ZFHX3: variants seen among roughly 807,000 people sequenced by gnomAD.
ZFHX3 encodes the protein zinc finger homeobox 3, also known as zinc finger homeobox protein 3.
Under a neutral mutation model 279.1 loss-of-function variants are expected in ZFHX3, and 42 were observed. That is an observed-to-expected ratio of 0.15 (90% CI 0.12 to 0.19). ZFHX3 has a LOEUF of 0.19. Among genes scored for constraint, ZFHX3 ranks in the 10% least tolerant of loss-of-function variants. ZFHX3 has a pLI of 1.00. For synonymous variants in ZFHX3, 2,293 were observed against 1,957.8 expected (o/e 1.17, Z -4.52); for missense variants, 4,981 against 4,754.0 (o/e 1.05, Z -1.40).
At chr16:73,518,791 C>T (rs144858843) in intron 2 of ZFHX3, among the ~76,000 whole-genome samples, 2 of 152,306 alleles carry the variant, frequency 1.3e-5, no homozygotes, top group Non-Finnish European at 2.9e-5. Flanking sequence ...CTGAGTCCAA[C>T]AAAGTCTTCG....
At chr16:73,684,564 C>T (rs1047003271) in intron 1 of ZFHX3, among the ~76,000 whole-genome samples, 1 of 152,128 alleles carries the variant, frequency 6.6e-6, no homozygotes. Flanking sequence ...GCTCAAAACC[C>T]ACAAATATGT....
chr16:73,622,043 C>G (rs1303635928), intron 2 of ZFHX3, among the ~76,000 whole-genome samples: 1 of 152,192 alleles, frequency 6.6e-6, no homozygotes, highest in Non-Finnish European at 1.5e-5. Flanking sequence ...GTTTCTGTTT[C>G]AAGCTTTCCA....
intron 2 of ZFHX3, among the ~76,000 whole-genome samples, chr16:73,559,823 G>GTGGGAAAAT (rs1344468644): frequency 1.3e-5 from 2 of 152,170 alleles, no homozygotes; most frequent in African/African-American, 2.4e-5. Context: ...TTAAGCAGCA[G>GTGGGAAAAT]CATCTGGACC....
At chr16:73,091,197 T>G (rs1209222448) in intron 8 of ZFHX3, among the ~76,000 whole-genome samples, 1 of 130,180 alleles carries the variant, frequency 7.7e-6, no homozygotes, top group Non-Finnish European at 1.6e-5. Context: ...GGCGGCAGAG[T>G]GAGACTCCGT....
At chr16:73,635,387 T>A (rs1397116400) in intron 2 of ZFHX3, among the ~76,000 whole-genome samples, 2 of 152,178 alleles carry the variant, frequency 1.3e-5, no homozygotes, top group African/African-American at 4.8e-5. Context: ...GAGCTGCATG[T>A]TACTCAAGTT....
At chr16:73,096,838 T>A (rs1175036990) in intron 7 of ZFHX3, among the ~76,000 whole-genome samples, 1 of 152,040 alleles carries the variant, frequency 6.6e-6, no homozygotes, top group Admixed American at 6.6e-5. Context: ...CTTTAGAACC[T>A]CATTTCATGT....
intron 1 of ZFHX3, among the ~76,000 whole-genome samples, chr16:73,814,130 G>A (rs1361993991): frequency 1.3e-5 from 2 of 152,194 alleles, no homozygotes; most frequent in Non-Finnish European, 2.9e-5. Context: ...TAAGAATGCT[G>A]AATGGGATCT....
At chr16:73,040,773 C>T (rs980253939) in intron 1 of ZFHX3, among the ~76,000 whole-genome samples, 4 of 152,236 alleles carry the variant, frequency 2.6e-5, no homozygotes, top group African/African-American at 9.6e-5. Context: ...GTGGAGATGG[C>T]AGCCAATATC....
intron 3 of ZFHX3, among the ~76,000 whole-genome samples, chr16:72,890,892 A>G (rs995942392): frequency 9.9e-5 from 15 of 152,218 alleles, no homozygotes; most frequent in African/African-American, 3.6e-4. Flanking sequence ...TATAGTCCAC[A>G]AAGTCTAGAT....
At chr16:73,523,802 C>G (rs1056526096) in intron 2 of ZFHX3, among the ~76,000 whole-genome samples, 8 of 152,010 alleles carry the variant, frequency 5.3e-5, no homozygotes, top group Non-Finnish European at 1.0e-4. Context: ...AACAAACTTA[C>G]AATATTTAGA....
At chr16:73,587,355 T>C (rs989014415) in intron 2 of ZFHX3, among the ~76,000 whole-genome samples, 12 of 152,186 alleles carry the variant, frequency 7.9e-5, no homozygotes, top group Admixed American at 3.3e-4. Context: ...CCATAACTAG[T>C]GACAAAAATT....
At chr16:73,789,706 G>T (rs894348046) in intron 1 of ZFHX3, among the ~76,000 whole-genome samples, 52 of 152,260 alleles carry the variant, frequency 3.4e-4, no homozygotes, top group Middle Eastern at 3.4e-3. Flanking sequence ...GGCAGCAATT[G>T]TACAGTCAAA....
At chr16:73,526,260 C>T (rs1048933318) in intron 2 of ZFHX3, among the ~76,000 whole-genome samples, 1 of 152,238 alleles carries the variant, frequency 6.6e-6, no homozygotes, top group African/African-American at 2.4e-5. Context: ...GGTCATTACC[C>T]AAGGCTAGAA....
chr16:72,783,442 G>A lies in ZFHX3; in HGVS notation c.*3722C>T, dbSNP rs1376019626. The A allele has an allele frequency of 1.3e-5, 2 of 152,516 alleles. No individual in the cohort carries two copies. Among genetic ancestry groups the A allele is most frequent in the African/African-American group, 4.8e-5 (2 of 41,488 alleles). 9.4% of individuals were successfully genotyped at this position (152,516 alleles called of 1,614,324 possible). A position where few individuals can be genotyped will look rare whatever the true frequency, so the allele number is the denominator to read the frequency against. On this transcript the variant is annotated 3_prime_UTR_variant, in exon 10 of 10. Transcript: ENST00000268489. The stretch of plus-strand genomic sequence containing the variant: ...AAAAATATATGTCCATGAACATCAA[G>A]TGCACTGGCTTGGGTCACTGCCTCT...
At chr16:73,556,810 G>C (rs1342455120) in intron 2 of ZFHX3, among the ~76,000 whole-genome samples, 1 of 151,918 alleles carries the variant, frequency 6.6e-6, no homozygotes, top group Non-Finnish European at 1.5e-5. Flanking sequence ...GAAGGCCTCA[G>C]TGAGGCCGGG....
chr16:73,185,525 C>T (rs531102955), intron 5 of ZFHX3, among the ~76,000 whole-genome samples: 2 of 152,216 alleles, frequency 1.3e-5, no homozygotes, highest in Admixed American at 6.5e-5. Context: ...AAGTATCCCC[C>T]AAAAGCTATT....
At chr16:73,163,266 T>C (rs1967282017) in intron 5 of ZFHX3, among the ~76,000 whole-genome samples, 1 of 152,202 alleles carries the variant, frequency 6.6e-6, no homozygotes, top group Non-Finnish European at 1.5e-5. Flanking sequence ...GATAGGGTAT[T>C]CTAAAGACCT....
At chr16:73,101,545 ATTTTTTAAAT>A (rs1368702873) in intron 7 of ZFHX3, among the ~76,000 whole-genome samples, 1 of 151,872 alleles carries the variant, frequency 6.6e-6, no homozygotes, top group Non-Finnish European at 1.5e-5. Context: ...CGCCCAGCTA[ATTTTTTAAAT>A]TTTTTTAAAT....
At chr16:73,353,031 G>C (rs902482086) in intron 3 of ZFHX3, among the ~76,000 whole-genome samples, 1 of 152,130 alleles carries the variant, frequency 6.6e-6, no homozygotes, top group African/African-American at 2.4e-5. Flanking sequence ...GTCTCTGCCT[G>C]CCCCGCCCTA....
Sources: gnomAD v4.1 joint callset for allele counts (sites outside exome capture counted in the v4.1 genomes callset) on GRCh38, gnomAD v4.1.1 for gene constraint, MANE v1.5 for transcripts, NCBI Gene and HGNC (gene_info 2026-07-23, HGNC 2026-07-21) for gene names.